Variants in ADAMTS5 observed in about 807,000 individuals in gnomAD.
ADAMTS5 encodes the protein A disintegrin and metalloproteinase with thrombospondin motifs 5.
ADAMTS5 carries 54 observed loss-of-function variants against 81.4 expected under a neutral mutation model. That is an observed-to-expected ratio of 0.66 (90% CI 0.53 to 0.83). ADAMTS5 has a LOEUF of 0.83. ADAMTS5 is among the 40% of genes least tolerant of loss of function. The probability of loss-of-function intolerance (pLI) is 0.00; values close to 1 mark genes in which losing one functional copy is unlikely to be tolerated. For synonymous variants in ADAMTS5, 532 were observed against 508.8 expected, an observed-to-expected ratio of 1.05 and a Z score of -0.61; for missense variants, 1,194 against 1,229.9, an observed-to-expected ratio of 0.97 and a Z score of 0.44.
In ADAMTS5 at chr21:26,930,080, A is replaced by G. The variant is rs368273505; in HGVS notation, c.2050-19T>C. 8.7e-6 allele frequency: 14 copies of G among 1,611,366 alleles called. No homozygotes were observed. Among genetic ancestry groups the G allele is most frequent in the Non-Finnish European group, 1.0e-5 (12 of 1,178,096 alleles). ...CGGTCACCTGAATCATGGCAAATGCATTAGGAGTGGGAAATGTTTGCATCA... is the reference window on the plus strand; with the variant it reads ...CGGTCACCTGAATCATGGCAAATGCGTTAGGAGTGGGAAATGTTTGCATCA... On this transcript the variant is annotated intron_variant, in intron 6 of 7. Transcript: ENST00000284987.
At chr21:26,939,986 G>T (rs553818044) in intron 3 of ADAMTS5, among the ~76,000 whole-genome samples, 8 of 152,284 alleles carry the variant, frequency 5.3e-5, no homozygotes, top group South Asian at 2.1e-4. Flanking sequence ...GAGTGAGCAC[G>T]CTGGTTTTTC....
At chr21:26,940,178 A>G (rs1466706570) in intron 3 of ADAMTS5, among the ~76,000 whole-genome samples, 1 of 152,136 alleles carries the variant, frequency 6.6e-6, no homozygotes. Flanking sequence ...TTTCTCCAGT[A>G]TTGCTGAAGG....
At chr21:26,928,973 C>T (rs1210362403) in intron 7 of ADAMTS5, among the ~76,000 whole-genome samples, 2 of 152,142 alleles carry the variant, frequency 1.3e-5, no homozygotes, top group South Asian at 2.1e-4. Flanking sequence ...TGGTCTAACA[C>T]AATTAGGTGA....
chr21:26,929,664 G>T (rs986790044), intron 7 of ADAMTS5, among the ~76,000 whole-genome samples: 1 of 152,062 alleles, frequency 6.6e-6, no homozygotes, highest in Non-Finnish European at 1.5e-5. Context: ...CATGGCTACT[G>T]CAGTTTATCT....
intron 1 of ADAMTS5, among the ~76,000 whole-genome samples, chr21:26,963,767 G>A (rs192617274): frequency 2.6e-3 from 374 of 144,876 alleles, no homozygotes; most frequent in African/African-American, 8.5e-3. Flanking sequence ...ATGTTCTACC[G>A]CTTCAAAGAC....
intron 2 of ADAMTS5, among the ~76,000 whole-genome samples, chr21:26,944,553 T>C (rs1987177849): frequency 6.6e-6 from 1 of 152,214 alleles, no homozygotes; most frequent in African/African-American, 2.4e-5. Context: ...TCTAGGACAG[T>C]AGTTTGAGCA....
chr21:26,948,096 C>A (rs1023736886), intron 2 of ADAMTS5, among the ~76,000 whole-genome samples: 2 of 152,146 alleles, frequency 1.3e-5, no homozygotes, highest in African/African-American at 4.8e-5. Context: ...ATTTTAAGAA[C>A]ACCTTGCTTC....
intron 2 of ADAMTS5, among the ~76,000 whole-genome samples, chr21:26,946,201 T>A (rs867000480): frequency 6.6e-6 from 1 of 152,148 alleles, no homozygotes; most frequent in South Asian, 2.1e-4. Flanking sequence ...GATGTTTGGA[T>A]GCTCTTCAGG....
intron 4 of ADAMTS5, among the ~76,000 whole-genome samples, chr21:26,933,805 G>C (rs1293289217): frequency 1.3e-5 from 2 of 152,250 alleles, no homozygotes; most frequent in Admixed American, 6.5e-5. Context: ...ATGATGAATG[G>C]TTGGGTGATG....
intron 7 of ADAMTS5, among the ~76,000 whole-genome samples, chr21:26,926,204 G>T (rs1185058605): frequency 1.3e-5 from 2 of 152,176 alleles, no homozygotes; most frequent in African/African-American, 4.8e-5. Flanking sequence ...CCAGGTCTTG[G>T]CTGCAGTGAG....
At chr21:26,928,592 T>C (rs1017242450) in intron 7 of ADAMTS5, among the ~76,000 whole-genome samples, 4 of 151,260 alleles carry the variant, frequency 2.6e-5, no homozygotes, top group African/African-American at 9.7e-5. Flanking sequence ...CTGAATTCCC[T>C]CTCTCCCTCC....
chr21:26,966,563 G>C lies in ADAMTS5; in HGVS notation c.-172C>G. 1 of 474,792 alleles carries C rather than the reference G, an allele frequency of 2.1e-6. No individual in the cohort carries two copies. The highest frequency in any genetic ancestry group is 3.3e-6 in the Non-Finnish European group (1 of 302,768). 29.4% of individuals were successfully genotyped at this position (474,792 alleles called of 1,614,324 possible). A position where few individuals can be genotyped will look rare whatever the true frequency, so the allele number is the denominator to read the frequency against. ...GCAGCGCCAGCCTGTCCGGGCTGCG[G>C]TGCCAGCGTGCGAACTTTTCTTTGT... is the stretch of plus-strand genomic sequence containing the variant. On this transcript the variant is annotated 5_prime_UTR_variant, in exon 1 of 8. Coordinates refer to ENST00000284987, the MANE Select transcript of ADAMTS5 (RefSeq NM_007038.5).
At chr21:26,927,520 T>C (rs1000742404) in intron 7 of ADAMTS5, among the ~76,000 whole-genome samples, 1 of 152,188 alleles carries the variant, frequency 6.6e-6, no homozygotes, top group East Asian at 1.9e-4. Context: ...TGTCATGTTT[T>C]TGAAGTGCGA....
At chr21:26,954,963 G>T in intron 1 of ADAMTS5, 92 bp from the exon 2 acceptor site, 2 of 1,470,502 alleles carry the variant, frequency 1.4e-6, no homozygotes, top group Non-Finnish European at 1.8e-6. Context: ...AATGGCAACA[G>T]GGATATGTTT....
In ADAMTS5 at chr21:26,917,949, C is replaced by T. The variant is rs1256671936; in HGVS notation, c.*6104G>A. On this transcript the variant is annotated 3_prime_UTR_variant, in exon 8 of 8. Coordinates refer to ENST00000284987, the MANE Select transcript of ADAMTS5 (RefSeq NM_007038.5). ...GTTTACAATTTATATTTATTATGCCCACTGAACCCACAAAAGCAGTGTTTA... is the reference window on the plus strand; with the variant it reads ...GTTTACAATTTATATTTATTATGCCTACTGAACCCACAAAAGCAGTGTTTA... 6.6e-6 allele frequency: 1 copy of T among 151,872 alleles called. No individual in the cohort carries two copies. The highest frequency in any genetic ancestry group is 2.4e-5 in the African/African-American group (1 of 41,382). The allele number at this position is 151,872 out of a possible 1,614,324, so 9.4% of individuals were successfully genotyped here.
chr21:26,932,925 TC>T lies in ADAMTS5; in HGVS notation c.1808del (p.Gly603AspfsTer65). On this transcript the variant is annotated frameshift_variant, in exon 5 of 8. Coordinates refer to ENST00000284987, the MANE Select transcript of ADAMTS5 (RefSeq NM_007038.5). LOFTEE classifies it high-confidence loss of function. ...HCNNPAPRNN[G>X]RYCTGKRAIY... ...TGGCCCTCTTCCCTGTGCAGTAGCG[TC>T]CGTTGTTTCTGGGAGCAGGGTTATT... 1 of 1,614,046 alleles carries T rather than the reference TC, an allele frequency of 6.2e-7. No homozygotes were observed. Among genetic ancestry groups the T allele is most frequent in the Non-Finnish European group, 8.5e-7 (1 of 1,179,988 alleles).
chr21:26,953,078 C>T (rs769031294), intron 2 of ADAMTS5, among the ~76,000 whole-genome samples: 1 of 152,212 alleles, frequency 6.6e-6, no homozygotes, highest in Non-Finnish European at 1.5e-5. Flanking sequence ...ATGATCCCTA[C>T]CCTGGAGCCT....
At chr21:26,949,559 A>C (rs1987280876) in intron 2 of ADAMTS5, among the ~76,000 whole-genome samples, 1 of 152,124 alleles carries the variant, frequency 6.6e-6, no homozygotes, top group Admixed American at 6.5e-5. Context: ...AAAATCACTC[A>C]GCAAGTGTGT....
At position 26,934,584 on chromosome 21, in the gene ADAMTS5, T is replaced by C; in HGVS notation, c.1571A>G (p.Gln524Arg). 1 of 1,614,200 alleles carries C rather than the reference T, an allele frequency of 6.2e-7. No individual in the cohort carries two copies. Among genetic ancestry groups the C allele is most frequent in the Non-Finnish European group, 8.5e-7 (1 of 1,180,048 alleles). The change falls in exon 4 of 8, where the codon CAG becomes CGG. Residue 524 changes from glutamine (Q) to arginine (R), a missense_variant. This residue lies in a region of ADAMTS5 where 696 missense variants were observed against 817.6 expected (regional missense o/e 0.85). Transcript: ENST00000284987. The part of the protein sequence containing the change: ...CARLWCAVVR[Q>R]GQMVCLTKKL... ...CTTGGTCAGACAGACCATCTGGCCC[T>C]GGCGTACCACAGCACACCACAGGCG...
Sources: allele counts gnomAD v4.1 joint callset (sites outside exome capture counted in the v4.1 genomes callset), GRCh38; gene constraint gnomAD v4.1.1; regional missense constraint gnomAD v4.1.1; transcripts MANE v1.5; gene names NCBI Gene and HGNC (gene_info 2026-07-23, HGNC 2026-07-21).